Variants in CTNNA2 observed in about 807,000 individuals in gnomAD.
The protein encoded by CTNNA2 is catenin alpha-2.
A neutral mutation model predicts 101.0 loss-of-function variants in CTNNA2; 42 were observed. That is an observed-to-expected ratio of 0.42 (90% CI 0.32 to 0.54). CTNNA2 has a LOEUF of 0.54. Among genes scored for constraint, CTNNA2 ranks in the 20% least tolerant of loss-of-function variants. The pLI, the probability that CTNNA2 is intolerant of heterozygous loss-of-function variation, is 0.14. For synonymous variants in CTNNA2, 450 were observed against 456.4 expected, an observed-to-expected ratio of 0.99 and a Z score of 0.18; for missense variants, 871 against 1,223.1, an observed-to-expected ratio of 0.71 and a Z score of 4.29.
intron 2 of CTNNA2, among the ~76,000 whole-genome samples, chr2:79,217,065 A>C (rs1674273486): frequency 6.6e-6 from 1 of 152,146 alleles, no homozygotes; most frequent in African/African-American, 2.4e-5. Context: ...AATTAAGAGA[A>C]GGGAGAGATT....
intron 5 of CTNNA2, among the ~76,000 whole-genome samples, chr2:79,871,369 TG>T (rs1014221696): frequency 6.6e-6 from 1 of 152,194 alleles, no homozygotes; most frequent in Non-Finnish European, 1.5e-5. Flanking sequence ...GAATCTTGTA[TG>T]GTAGCCCAAT....
chr2:79,246,159 A>G lies in CTNNA2; in HGVS notation c.-406+48083A>G, dbSNP rs1674698150. ...TCTAGGGTCCTAATCCCAGCTTTGT[A>G]CTTCTTGAATAAGTCTTTTACCATT... On this transcript the variant is annotated intron_variant, in intron 2 of 21. Transcript: ENST00000466387. Among the ~76,000 whole-genome samples, 4 of 152,156 alleles carry G rather than the reference A, an allele frequency of 2.6e-5. No homozygotes were observed. The South Asian group carries it at 8.3e-4, about 32-fold the overall frequency.
intron 2 of CTNNA2, among the ~76,000 whole-genome samples, chr2:79,265,284 G>C (rs1200117821): frequency 6.6e-6 from 1 of 152,144 alleles, no homozygotes; most frequent in Non-Finnish European, 1.5e-5. Flanking sequence ...GGTGATTAGT[G>C]AAACATCATA....
At chr2:80,443,247 C>T (rs1183369548) in intron 9 of CTNNA2, among the ~76,000 whole-genome samples, 1 of 152,198 alleles carries the variant, frequency 6.6e-6, no homozygotes, top group Non-Finnish European at 1.5e-5. Flanking sequence ...AGCTCTTCTT[C>T]ACCCCACTTA....
chr2:79,823,618 A>G (rs1392651271), intron 3 of CTNNA2, among the ~76,000 whole-genome samples: 1 of 152,140 alleles, frequency 6.6e-6, no homozygotes, highest in Non-Finnish European at 1.5e-5. Context: ...AGAGATAGAA[A>G]CTTAAAAATT....
intron 1 of CTNNA2, among the ~76,000 whole-genome samples, chr2:79,196,813 G>T (rs934924772): frequency 1.3e-5 from 2 of 152,208 alleles, no homozygotes; most frequent in Admixed American, 6.5e-5. Context: ...TCTTGTTGAG[G>T]TTGCTTAGGG....
chr2:79,931,164 T>G lies in CTNNA2; in HGVS notation c.1056+21367T>G, dbSNP rs151100382. On this transcript the variant is annotated intron_variant, in intron 7 of 18. Coordinates refer to ENST00000402739, the MANE Select transcript of CTNNA2 (RefSeq NM_001282597.3). The stretch of plus-strand genomic sequence containing the variant: ...GCATTAATATCCTGCACAATGCAAC[T>G]GTTCACTGTGTATGTGTTAACTAGT... Among the ~76,000 whole-genome samples the G allele has an allele frequency of 1.5e-3, 231 of 152,346 alleles. 1 individual carries two copies. Among genetic ancestry groups the G allele is most frequent in the African/African-American group, 5.2e-3 (217 of 41,580 alleles).
At chr2:80,407,525 T>A (rs1415947381) in intron 8 of CTNNA2, among the ~76,000 whole-genome samples, 3 of 152,184 alleles carry the variant, frequency 2.0e-5, no homozygotes, top group Non-Finnish European at 4.4e-5. Context: ...ACTTGCGTAG[T>A]CATGACAGAG....
In CTNNA2 at chr2:80,415,094, T is replaced by G. The variant is rs187132770; in HGVS notation, c.1138-4355T>G. Among the ~76,000 whole-genome samples the G allele has an allele frequency of 2.0e-5, 3 of 152,288 alleles. No individual in the cohort carries two copies. In the East Asian group the frequency reaches 5.8e-4, roughly 29 times the overall value. ...AGGCCAACTACGTAGCTAATAAACT[T>G]CAAAATGTACAAAGGCTCCGAACAG... On this transcript the variant is annotated intron_variant, in intron 8 of 18. Transcript: ENST00000402739.
intron 7 of CTNNA2, among the ~76,000 whole-genome samples, chr2:80,217,253 T>C (rs1708326055): frequency 6.6e-6 from 1 of 152,166 alleles, no homozygotes; most frequent in Non-Finnish European, 1.5e-5. Context: ...CAGGCAAAGC[T>C]TAAATTATGG....
intron 1 of CTNNA2, among the ~76,000 whole-genome samples, chr2:79,561,805 AT>A (rs1468769130): frequency 1.3e-5 from 2 of 151,318 alleles, no homozygotes; most frequent in African/African-American, 4.9e-5. Context: ...GGCTATTTGC[AT>A]TTGTCTTTTT....
At chr2:79,415,219 T>C (rs1444332619) in intron 4 of CTNNA2, among the ~76,000 whole-genome samples, 1 of 152,088 alleles carries the variant, frequency 6.6e-6, no homozygotes, top group African/African-American at 2.4e-5. Flanking sequence ...GAGATCTGGT[T>C]GTTTAAAAGA....
chr2:79,615,377 TA>T (rs893531931), intron 1 of CTNNA2, among the ~76,000 whole-genome samples: 34 of 152,302 alleles, frequency 2.2e-4, no homozygotes, highest in African/African-American at 7.9e-4. Flanking sequence ...TAAATATGAC[TA>T]AAAAAGTTAG....
intron 7 of CTNNA2, among the ~76,000 whole-genome samples, chr2:80,276,526 C>A (rs1465466761): frequency 6.6e-6 from 1 of 152,144 alleles, no homozygotes; most frequent in Non-Finnish European, 1.5e-5. Flanking sequence ...TCTGCAGACT[C>A]TATAAGAAGC....
At chr2:79,310,200 G>C (rs182005386) in intron 2 of CTNNA2, among the ~76,000 whole-genome samples, 41 of 152,162 alleles carry the variant, frequency 2.7e-4, no homozygotes, top group Non-Finnish European at 5.0e-4. Flanking sequence ...GCACTTTGTT[G>C]GGGGTTTCAC....
intron 7 of CTNNA2, among the ~76,000 whole-genome samples, chr2:80,308,113 G>A (rs1573668681): frequency 6.6e-6 from 1 of 152,076 alleles, no homozygotes; most frequent in African/African-American, 2.4e-5. Context: ...CCTGTTTTTC[G>A]TGGTACTCTA....
chr2:79,494,510 A>G (rs1321990893), intron 4 of CTNNA2, among the ~76,000 whole-genome samples: 1 of 152,228 alleles, frequency 6.6e-6, no homozygotes, highest in Non-Finnish European at 1.5e-5. Context: ...AAAACTGCAC[A>G]TTAGTGACCA....
intron 7 of CTNNA2, among the ~76,000 whole-genome samples, chr2:80,191,792 T>C (rs1404286737): frequency 6.6e-6 from 1 of 152,220 alleles, no homozygotes; most frequent in Non-Finnish European, 1.5e-5. Flanking sequence ...ACTACATGGA[T>C]ACTGATTAAG....
At position 80,302,542 on chromosome 2, in the gene CTNNA2, G is replaced by T; in HGVS notation, c.1057-90669G>T. 6.2e-7 allele frequency: 1 copy of T among 1,610,972 alleles called. No homozygotes were observed. On this transcript the variant is annotated intron_variant, in intron 7 of 18. Coordinates refer to ENST00000402739, the MANE Select transcript of CTNNA2 (RefSeq NM_001282597.3). This position sits in a 1 kb window ranked among gnomAD's most constrained non-coding sequence, Gnocchi z 6.4. Reference sequence around the variant, plus strand: ...GGGCCATGGTGCCCGTGACCACCTTGTGGATCTGCACGGCGTTCTCGGCGT... The same window carrying T: ...GGGCCATGGTGCCCGTGACCACCTTTTGGATCTGCACGGCGTTCTCGGCGT...
Sources: gnomAD v4.1 joint callset for allele counts (sites outside exome capture counted in the v4.1 genomes callset) on GRCh38, gnomAD v4.1.1 for gene constraint, Gnocchi (gnomAD v3.1) non-coding constraint, MANE v1.5 for transcripts, NCBI Gene and HGNC (gene_info 2026-07-23, HGNC 2026-07-21) for gene names.